The following RASA1 variants were observed in gnomAD, a reference collection of about 807,000 sequenced individuals.
RASA1 encodes ras GTPase-activating protein 1.
Under a neutral mutation model 132.2 loss-of-function variants are expected in RASA1, and 25 were observed. The ratio of observed to expected loss-of-function variants is 0.19; its 90% CI spans 0.14 to 0.26. The LOEUF (loss-of-function observed/expected upper bound fraction) is 0.26. RASA1 is among the 10% of genes least tolerant of loss of function. RASA1 has a pLI of 1.00. For synonymous variants in RASA1, 477 were observed against 449.9 expected, an observed-to-expected ratio of 1.06 and a Z score of -0.76; for missense variants, 964 against 1,299.2, an observed-to-expected ratio of 0.74 and a Z score of 3.97.
intron 4 of RASA1, among the ~76,000 whole-genome samples, chr5:87,336,184 A>G (rs768521530): frequency 6.6e-6 from 1 of 152,218 alleles, no homozygotes; most frequent in Non-Finnish European, 1.5e-5. Flanking sequence ...AAACAGTGAT[A>G]TTCTCACTAA....
chr5:87,333,874 CA>C (rs1232871179), intron 4 of RASA1, among the ~76,000 whole-genome samples: 5 of 151,982 alleles, frequency 3.3e-5, no homozygotes, highest in African/African-American at 1.2e-4. Context: ...CTTACTGACA[CA>C]TTTTTATTTG....
chr5:87,326,500 C>T (rs1757240288), intron 1 of RASA1, among the ~76,000 whole-genome samples: 1 of 152,100 alleles, frequency 6.6e-6, no homozygotes, highest in Non-Finnish European at 1.5e-5. Context: ...CATGTATGTA[C>T]TTCTTGAATT....
chr5:87,366,770 G>T (rs577392292), intron 11 of RASA1, among the ~76,000 whole-genome samples: 1 of 152,170 alleles, frequency 6.6e-6, no homozygotes, highest in African/African-American at 2.4e-5. Flanking sequence ...AGTGGCTCAC[G>T]CCTGTAATCC....
At chr5:87,273,732 C>T (rs1423623454) in intron 1 of RASA1, among the ~76,000 whole-genome samples, 1 of 143,716 alleles carries the variant, frequency 7.0e-6, no homozygotes, top group Non-Finnish European at 1.5e-5. Context: ...GAGTCTTGCT[C>T]TGTTACCCAG....
chr5:87,279,723 T>G (rs1754228758), intron 1 of RASA1, among the ~76,000 whole-genome samples: 1 of 152,272 alleles, frequency 6.6e-6, no homozygotes, highest in African/African-American at 2.4e-5. Flanking sequence ...ATTGTGATTT[T>G]GATTAACATT....
At chr5:87,388,408 C>T (rs1762218182) in intron 23 of RASA1, among the ~76,000 whole-genome samples, 1 of 152,100 alleles carries the variant, frequency 6.6e-6, no homozygotes, top group South Asian at 2.1e-4. Context: ...GGTTGAGTAT[C>T]CCTAATCTGA....
Position 87,332,447 on chromosome 5 carries a change from T to C in RASA1, c.693-60T>C. ...TGGATTTATAATTTCTTTATAAAAC[T>C]TGATTTTTAAAATTGGCTGTAAAGA... On this transcript the variant is annotated intron_variant, in intron 2 of 24. Transcript: ENST00000274376. 9 of 1,500,132 alleles carry C rather than the reference T, an allele frequency of 6.0e-6. No homozygotes were observed. In the South Asian group the frequency reaches 1.0e-4, roughly 17 times the overall value. 92.9% of individuals were successfully genotyped at this position (1,500,132 alleles called of 1,614,324 possible). A position where few individuals can be genotyped will look rare whatever the true frequency, so the allele number is the denominator to read the frequency against.
At chr5:87,278,229 T>C (rs1386005063) in intron 1 of RASA1, among the ~76,000 whole-genome samples, 1 of 152,148 alleles carries the variant, frequency 6.6e-6, no homozygotes, top group East Asian at 1.9e-4. Flanking sequence ...GAGGTAATTG[T>C]AGATTCATAT....
At chr5:87,271,265 A>G (rs1175369501) in intron 1 of RASA1, among the ~76,000 whole-genome samples, 4 of 152,026 alleles carry the variant, frequency 2.6e-5, no homozygotes, top group African/African-American at 9.7e-5. Flanking sequence ...CAAAAAAACA[A>G]TATTACAGCA....
At chr5:87,301,149 G>A (rs1239226572) in intron 1 of RASA1, among the ~76,000 whole-genome samples, 1 of 152,156 alleles carries the variant, frequency 6.6e-6, no homozygotes, top group Non-Finnish European at 1.5e-5. Context: ...GTAACAGCTG[G>A]ACAACACATT....
chr5:87,289,075 G>A (rs1337312211), intron 1 of RASA1, among the ~76,000 whole-genome samples: 1 of 147,008 alleles, frequency 6.8e-6, no homozygotes, highest in African/African-American at 2.5e-5. Flanking sequence ...TGTCTTTTTT[G>A]TCTCCTTTAA....
rs191368638 is a variant in RASA1, at chr5:87,279,741, T to C, written c.539+10751T>C. Among the ~76,000 whole-genome samples the C allele has an allele frequency of 5.9e-5, 9 of 152,378 alleles. No individual in the cohort carries two copies. In the East Asian group the frequency reaches 1.3e-3, roughly 23 times the overall value. On this transcript the variant is annotated intron_variant, in intron 1 of 24. Coordinates refer to ENST00000274376, the MANE Select transcript of RASA1 (RefSeq NM_002890.3). ...GTGATTTTGATTAACATTTTTCTAA[T>C]GTCTAATTATATTAGTCAGGGTTCT...
chr5:87,275,586 T>C (rs1350622143), intron 1 of RASA1, among the ~76,000 whole-genome samples: 1 of 151,818 alleles, frequency 6.6e-6, no homozygotes, highest in African/African-American at 2.4e-5. Context: ...CTTTTTTTTT[T>C]TCCCCCCTGA....
intron 1 of RASA1, among the ~76,000 whole-genome samples, chr5:87,322,138 TCAA>T (rs1485252701): frequency 6.6e-6 from 1 of 152,002 alleles, no homozygotes; most frequent in Non-Finnish European, 1.5e-5. Context: ...GGTAATGAGT[TCAA>T]GTGAGAGCTG....
In RASA1 at chr5:87,369,910, C is replaced by G. The variant is rs1462482632; in HGVS notation, c.1698+10C>G. ...TCCAGAACAAGCAGAGGTAAGATTACTGTTTCTCAAACTACAGTATACTTT... is the reference window on the plus strand; with the variant it reads ...TCCAGAACAAGCAGAGGTAAGATTAGTGTTTCTCAAACTACAGTATACTTT... On this transcript the variant is annotated intron_variant, in intron 12 of 24. Coordinates refer to ENST00000274376, the MANE Select transcript of RASA1 (RefSeq NM_002890.3). 3 of 1,588,542 alleles carry G rather than the reference C, an allele frequency of 1.9e-6. No homozygotes were observed. The highest frequency in any genetic ancestry group is 2.6e-6 in the Non-Finnish European group (3 of 1,157,686).
At chr5:87,351,177 T>C (rs1759240850) in intron 8 of RASA1, among the ~76,000 whole-genome samples, 3 of 151,016 alleles carry the variant, frequency 2.0e-5, no homozygotes, top group Admixed American at 2.0e-4. Flanking sequence ...ATATTCAGAG[T>C]TTTAAAAAAA....
At chr5:87,345,348 A>G (rs541670031) in intron 6 of RASA1, among the ~76,000 whole-genome samples, 1 of 152,110 alleles carries the variant, frequency 6.6e-6, no homozygotes, top group Non-Finnish European at 1.5e-5. Context: ...TCACTTTTTT[A>G]CCCTTCTTTT....
chr5:87,351,414 G>T lies in RASA1; in HGVS notation c.1254-1743G>T, dbSNP rs186485358. ...GGGAATCAATAAATGAGAGTTCAGT[G>T]GGGGGTGAGAAGGAAGACAATGGAT... On this transcript the variant is annotated intron_variant, in intron 8 of 24. Coordinates refer to ENST00000274376, the MANE Select transcript of RASA1 (RefSeq NM_002890.3). 2.0e-5 allele frequency among the ~76,000 whole-genome samples: 3 copies of T among 151,802 alleles called. No homozygotes were observed. The East Asian group carries it at 5.8e-4, about 29-fold the overall frequency.
At position 87,268,527 on chromosome 5, in the gene RASA1, G is replaced by A; in HGVS notation, c.76G>A (p.Gly26Ser). The A allele has an allele frequency of 6.3e-7, 1 of 1,589,194 alleles. No homozygotes were observed. Among genetic ancestry groups the A allele is most frequent in the African/African-American group, 1.3e-5 (1 of 74,818 alleles). The change falls in exon 1 of 25, where the codon GGC (glycine) becomes AGC (serine). Residue 26 changes from glycine (G) to serine (S), a missense_variant. This residue lies in a region of RASA1 where 326 missense variants were observed against 275.8 expected (regional missense o/e 1.18). Coordinates refer to ENST00000274376, the MANE Select transcript of RASA1 (RefSeq NM_002890.3). Reference protein sequence around the residue: ...AGAGGGGAAAGSSAYPAVCRV... With the variant: ...AGAGGGGAAASSSAYPAVCRV... ...AGCTGGAGGAGGCGGCGCGGCAGCG[G>A]GCTCCAGTGCCTATCCCGCAGTGTG...
Sources: gnomAD v4.1 joint callset for allele counts (sites outside exome capture counted in the v4.1 genomes callset) on GRCh38, gnomAD v4.1.1 for gene constraint, gnomAD v4.1.1 regional missense constraint, MANE v1.5 for transcripts, NCBI Gene and HGNC (gene_info 2026-07-23, HGNC 2026-07-21) for gene names.